The following ZFP69 variants were observed in gnomAD, a reference collection of about 807,000 sequenced individuals.
ZFP69 encodes ZFP69 zinc finger protein.
Under a neutral mutation model 48.9 loss-of-function variants are expected in ZFP69, and 35 were observed. The ratio of observed to expected loss-of-function variants is 0.72; its 90% CI spans 0.55 to 0.95. ZFP69 has a LOEUF of 0.95. Among genes scored for constraint, ZFP69 ranks in the 40% least tolerant of loss-of-function variants. The pLI is 0.00. For synonymous variants in ZFP69, 193 were observed against 216.8 expected, an observed-to-expected ratio of 0.89 and a Z score of 0.96; for missense variants, 557 against 638.4, an observed-to-expected ratio of 0.87 and a Z score of 1.37.
At position 40,495,302 on chromosome 1, in the gene ZFP69, T is replaced by A; in HGVS notation, c.824T>A (p.Ile275Lys). ...AGAACAAAAACCTATGAATGTAATATATGTGAAAAAATCTTCAAACAACCT... is the reference window on the plus strand; with the variant it reads ...AGAACAAAAACCTATGAATGTAATAAATGTGAAAAAATCTTCAAACAACCT... ...YIRTKTYECNICEKIFKQPIH... is the reference protein window; with the variant it reads ...YIRTKTYECNKCEKIFKQPIH... Residue 275 changes from isoleucine to lysine, a missense_variant, in exon 6 of 6, where the codon ATA becomes AAA. Ile to Lys is a moderately radical substitution (Grantham distance 102). Coordinates refer to ENST00000372706, the MANE Select transcript of ZFP69 (RefSeq NM_001320179.2). 6.2e-7 allele frequency: 1 copy of A among 1,614,122 alleles called. No individual in the cohort carries two copies. The highest frequency in any genetic ancestry group is 8.5e-7 in the Non-Finnish European group (1 of 1,180,016).
In ZFP69 at chr1:40,489,585, T is replaced by C; in HGVS notation, c.403T>C (p.Trp135Arg). 6.2e-7 allele frequency: 1 copy of C among 1,613,742 alleles called. No individual in the cohort carries two copies. Among genetic ancestry groups the C allele is most frequent in the South Asian group, 1.1e-5 (1 of 91,072 alleles). ...CCAGTTAGAGAAAGGAGAAGAGCCATGGATGGCAGAGAAAGAAGGCCCAGG... is the reference window on the plus strand; with the variant it reads ...CCAGTTAGAGAAAGGAGAAGAGCCACGGATGGCAGAGAAAGAAGGCCCAGG... ...ISQLEKGEEP[W>R]MAEKEGPGDP... Residue 135 changes from tryptophan (W) to arginine (R), a missense_variant, in exon 5 of 6, where the codon TGG (tryptophan) becomes CGG (arginine). By Grantham distance (101) the Trp-to-Arg change is moderately radical. Coordinates refer to ENST00000372706, the MANE Select transcript of ZFP69 (RefSeq NM_001320179.2).
intron 3 of ZFP69, among the ~76,000 whole-genome samples, chr1:40,485,224 C>T (rs1254781306): frequency 1.1e-4 from 17 of 151,722 alleles, no homozygotes; most frequent in Admixed American, 1.1e-3. Context: ...GCCCTAACAA[C>T]CACTAAAAAC....
At chr1:40,490,934 A>T (rs970928881) in intron 5 of ZFP69, 1 of 152,188 alleles carries the variant, frequency 6.6e-6, no homozygotes, top group Non-Finnish European at 1.5e-5. Flanking sequence ...ATTTCTGTGT[A>T]GCTTCCACCT....
At chr1:40,479,645 T>G (rs1404464209) in intron 2 of ZFP69, among the ~76,000 whole-genome samples, 157 bp downstream of exon 2, 2 of 152,184 alleles carry the variant, frequency 1.3e-5, no homozygotes, top group Non-Finnish European at 1.5e-5. Flanking sequence ...GGGAAAATCT[T>G]GGGGTCCAGC....
At chr1:40,491,962 C>G (rs571204586) in intron 5 of ZFP69, among the ~76,000 whole-genome samples, 17 of 151,978 alleles carry the variant, frequency 1.1e-4, no homozygotes, top group Non-Finnish European at 2.4e-4. Context: ...CTGAATTTAT[C>G]AGGATTTTCT....
At chr1:40,478,098 C>G (rs1408894307) in intron 1 of ZFP69, among the ~76,000 whole-genome samples, 1 of 150,402 alleles carries the variant, frequency 6.6e-6, no homozygotes, top group Non-Finnish European at 1.5e-5. Flanking sequence ...CTAGAACACA[C>G]GCAGCTCCTG....
intron 3 of ZFP69, among the ~76,000 whole-genome samples, chr1:40,485,717 C>A (rs745820311): frequency 1.2e-4 from 19 of 152,126 alleles, no homozygotes; most frequent in Non-Finnish European, 2.5e-4. Context: ...TTTATATTAT[C>A]TTCCTATTTG....
Position 40,479,665 on chromosome 1 carries a change from T to C in ZFP69, c.127+177T>C, listed in dbSNP as rs114809279. ...AATCTTGGGGTCCAGCATGGACTCC[T>C]TGTGACACGTGCTTGCAGCTGCTCT... On this transcript the variant is annotated intron_variant, in intron 2 of 5. Transcript: ENST00000372706. 3.6e-3 allele frequency among the ~76,000 whole-genome samples: 547 copies of C among 152,298 alleles called. 7 individuals carry two copies. The highest frequency in any genetic ancestry group is 0.013 in the African/African-American group (523 of 41,576).
chr1:40,489,604 G>T lies in ZFP69; in HGVS notation c.422G>T (p.Gly141Val), dbSNP rs781680395. Residue 141 changes from glycine to valine, a missense_variant, in exon 5 of 6, where the codon GGC becomes GTC. Gly to Val is a moderately radical substitution (Grantham distance 109, BLOSUM62 -3). Coordinates refer to ENST00000372706, the MANE Select transcript of ZFP69 (RefSeq NM_001320179.2). ...GAGCCATGGATGGCAGAGAAAGAAG[G>T]CCCAGGAGATCCCAGTTCAGGTGAG... is the stretch of plus-strand genomic sequence containing the variant. ...GEEPWMAEKE[G>V]PGDPSSDLKS... The T allele has an allele frequency of 5.6e-6, 9 of 1,613,586 alleles. No homozygotes were observed.
In ZFP69 at chr1:40,489,592, C is replaced by T. The variant is rs753596799; in HGVS notation, c.410C>T (p.Ala137Val). The part of the protein sequence containing the change: ...QLEKGEEPWM[A>V]EKEGPGDPSS... ...GAGAAAGGAGAAGAGCCATGGATGG[C>T]AGAGAAAGAAGGCCCAGGAGATCCC... is the stretch of plus-strand genomic sequence containing the variant. The change falls in exon 5 of 6, where the codon GCA becomes GTA. Residue 137 changes from alanine (A) to valine (V), a missense_variant. Transcript: ENST00000372706. The T allele has an allele frequency of 5.0e-6, 8 of 1,613,496 alleles. No homozygotes were observed. Among genetic ancestry groups the T allele is most frequent in the Non-Finnish European group, 5.9e-6 (7 of 1,179,884 alleles).
In ZFP69 at chr1:40,480,302, G is replaced by A. The variant is rs575195389; in HGVS notation, c.127+814G>A. Reference sequence around the variant, plus strand: ...TTTTTTGGTGATGGAGTCTCGCTGTGTCGCCCAGGCTGGAGTGCAGTGGTG... The same window carrying A: ...TTTTTTGGTGATGGAGTCTCGCTGTATCGCCCAGGCTGGAGTGCAGTGGTG... On this transcript the variant is annotated intron_variant, in intron 2 of 5. Transcript: ENST00000372706. Among the ~76,000 whole-genome samples, 136 of 149,570 alleles carry A rather than the reference G, an allele frequency of 9.1e-4. 1 individual carries two copies. Among genetic ancestry groups the A allele is most frequent in the African/African-American group, 3.1e-3 (126 of 40,628 alleles).
At position 40,481,791 on chromosome 1, in the gene ZFP69, A is replaced by G; in HGVS notation, c.156A>G (p.Val52=). Residue 52 remains valine (V), a synonymous_variant, in exon 3 of 6, where the codon GTA becomes GTG. Coordinates refer to ENST00000372706, the MANE Select transcript of ZFP69 (RefSeq NM_001320179.2). ...TGCTGTCTCAGGATGCTGAGGACGT[A>G]AAGACCCAGAGAGAAAGTTTAGAGG... The part of the protein sequence containing the change: ...EALLSQDAED[V]KTQRESLEDE... The G allele has an allele frequency of 6.2e-7, 1 of 1,612,602 alleles. No individual in the cohort carries two copies.
chr1:40,487,353 G>A (rs150303725), intron 3 of ZFP69, among the ~76,000 whole-genome samples: 1 of 152,190 alleles, frequency 6.6e-6, no homozygotes, highest in East Asian at 1.9e-4. Flanking sequence ...GATGGACCAT[G>A]TAGCCTAGGA....
chr1:40,484,883 CTTTTTT>C (rs71060386), intron 3 of ZFP69, among the ~76,000 whole-genome samples: 7 of 44,382 alleles, frequency 1.6e-4, no homozygotes, highest in African/African-American at 4.4e-4. Context: ...GCCTGGCCTG[CTTTTTT>C]TTTTTTTTTT....
At chr1:40,488,500 C>A (rs148538063) in intron 3 of ZFP69, among the ~76,000 whole-genome samples, 1 of 152,182 alleles carries the variant, frequency 6.6e-6, no homozygotes, top group East Asian at 1.9e-4. Flanking sequence ...ACAATAAGTG[C>A]GTGAGGTGGT....
chr1:40,495,843 CA>C lies in ZFP69; in HGVS notation c.1367del (p.Asn456ThrfsTer9), dbSNP rs1350501230. ...CCTTTAGGCAGAGGATACACCTTAG[CA>C]ACCATAAAACTGTTCATACAGGAGT... ...KAFRQRIHLS[N>X]HKTVHTGVKA... On this transcript the variant is annotated frameshift_variant, in exon 6 of 6. Coordinates refer to ENST00000372706, the MANE Select transcript of ZFP69 (RefSeq NM_001320179.2). LOFTEE classifies it high-confidence loss of function. 3 of 1,614,022 alleles carry C rather than the reference CA, an allele frequency of 1.9e-6. No homozygotes were observed. The highest frequency in any genetic ancestry group is 1.3e-5 in the African/African-American group (1 of 74,918).
intron 5 of ZFP69, 141 bp from the exon 6 acceptor site, chr1:40,494,775 ATTTCC>A (rs1645611026): frequency 4.3e-6 from 2 of 468,016 alleles, no homozygotes; most frequent in South Asian, 4.8e-5. Context: ...CTGTTTCTTA[ATTTCC>A]TTTCCCATTA....
chr1:40,483,903 C>G (rs1470703430), intron 3 of ZFP69, among the ~76,000 whole-genome samples: 2 of 152,014 alleles, frequency 1.3e-5, no homozygotes, highest in Non-Finnish European at 2.9e-5. Context: ...ATCGAGAAAC[C>G]CCGTCTCTAC....
chr1:40,485,553 C>G (rs935705152), intron 3 of ZFP69, among the ~76,000 whole-genome samples: 5 of 152,152 alleles, frequency 3.3e-5, no homozygotes, highest in Non-Finnish European at 7.4e-5. Context: ...TATTTGCCCT[C>G]ATATTTATCC....
Sources: allele counts gnomAD v4.1 joint callset (sites outside exome capture counted in the v4.1 genomes callset), GRCh38; gene constraint gnomAD v4.1.1; transcripts MANE v1.5; gene names NCBI Gene and HGNC (gene_info 2026-07-23, HGNC 2026-07-21).